Variants in ADH1A observed in about 807,000 individuals in gnomAD.
ADH1A encodes the protein alcohol dehydrogenase 1A.
ADH1A carries 29 observed loss-of-function variants against 35.2 expected under a neutral mutation model. The observed-to-expected ratio is 0.82, with a 90% CI of 0.61 to 1.12. The LOEUF is 1.12. ADH1A is among the 50% of genes most tolerant of loss of function. The pLI is 0.00. For synonymous variants in ADH1A, 147 were observed against 164.8 expected (o/e 0.89, Z 0.83); for missense variants, 469 against 464.7 (o/e 1.01, Z -0.09).
chr4:99,287,245 A>G (rs1182157001), intron 2 of ADH1A, among the ~76,000 whole-genome samples: 5 of 152,226 alleles, frequency 3.3e-5, no homozygotes, highest in African/African-American at 1.2e-4. Flanking sequence ...CTTAAATAAT[A>G]TAAAAGAATG....
At chr4:99,282,283 G>T in intron 6 of ADH1A, 63 bp downstream of exon 6, 8 of 1,613,824 alleles carry the variant, frequency 5.0e-6, no homozygotes, top group Non-Finnish European at 5.1e-6. Context: ...CATATATTCT[G>T]CAGCCTAAAT....
chr4:99,290,745 A>T (rs1733269693), intron 1 of ADH1A, 152 bp downstream of exon 1: 1 of 786,158 alleles, frequency 1.3e-6, no homozygotes, highest in South Asian at 1.7e-5. Flanking sequence ...AGTTCAGTAT[A>T]CATTACATAT....
At chr4:99,288,336 GGTGT>G (rs70955994) in intron 1 of ADH1A, among the ~76,000 whole-genome samples, 45 of 149,748 alleles carry the variant, frequency 3.0e-4, no homozygotes, top group Non-Finnish European at 3.7e-4. Flanking sequence ...GTTAGAGTTG[GGTGT>G]GTGTGTGTGT....
intron 7 of ADH1A, 31 bp downstream of exon 7, chr4:99,280,113 G>C: frequency 6.2e-7 from 1 of 1,613,400 alleles, no homozygotes; most frequent in Non-Finnish European, 8.5e-7. Flanking sequence ...TGAGGTTAAT[G>C]AGAATTTGGC....
intron 5 of ADH1A, among the ~76,000 whole-genome samples, chr4:99,283,020 T>G (rs1334919743): frequency 6.6e-6 from 1 of 152,202 alleles, no homozygotes; most frequent in African/African-American, 2.4e-5. Flanking sequence ...GTAACTCATA[T>G]ATACACAAAG....
chr4:99,276,601 C>CAAGGGAAAACATCTGTAT lies in ADH1A; in HGVS notation c.*5_*22dup, dbSNP rs1211681832. 6 of 1,606,670 alleles carry CAAGGGAAAACATCTGTAT rather than the reference C, an allele frequency of 3.7e-6. No homozygotes were observed. The African/African-American group carries it at 8.0e-5, about 22-fold the overall frequency. On this transcript the variant is annotated 3_prime_UTR_variant, in exon 9 of 9. Coordinates refer to ENST00000209668, the MANE Select transcript of ADH1A (RefSeq NM_000667.4). ...GGGTAGAGGAGGCTGAAGACTGCCA[C>CAAGGGAAAACATCTGTAT]AAGGGAAAACATCTGTATTGTCTCA...
chr4:99,283,474 A>G (rs1170777903), intron 5 of ADH1A, among the ~76,000 whole-genome samples: 2 of 83,284 alleles, frequency 2.4e-5, no homozygotes, highest in African/African-American at 9.3e-5. Context: ...AAGGGTGTCT[A>G]TTCATTCATT....
chr4:99,282,534 C>A lies in ADH1A; in HGVS notation c.640G>T (p.Ala214Ser). The change falls in exon 6 of 9, where the codon GCA becomes TCA. Residue 214 changes from alanine (A) to serine (S), a missense_variant. By Grantham distance (99) the Ala-to-Ser change is moderately conservative. Coordinates refer to ENST00000209668, the MANE Select transcript of ADH1A (RefSeq NM_000667.4). Reference sequence around the variant, plus strand: ...GCAATGATTCTGGCTGCCCCAGCTGCTTTACAGCCCATAATAGCAGATAGG... The same window carrying A: ...GCAATGATTCTGGCTGCCCCAGCTGATTTACAGCCCATAATAGCAGATAGG... ...VGLSAIMGCK[A>S]AGAARIIAVD... 1 of 1,614,208 alleles carries A rather than the reference C, an allele frequency of 6.2e-7. No individual in the cohort carries two copies. The highest frequency in any genetic ancestry group is 8.5e-7 in the Non-Finnish European group (1 of 1,180,036).
At chr4:99,282,681 G>C in intron 5 of ADH1A, 75 bp from the exon 6 acceptor site, 1 of 1,544,922 alleles carries the variant, frequency 6.5e-7, no homozygotes, top group Admixed American at 2.1e-5. Context: ...ATCAAAAGCT[G>C]CTCAAACTCT....
At position 99,279,438 on chromosome 4, in the gene ADH1A, T is replaced by C. The variant is rs762256605; in HGVS notation, c.1091A>G (p.His364Arg). 1.9e-6 allele frequency: 3 copies of C among 1,601,760 alleles called. No homozygotes were observed. The highest frequency in any genetic ancestry group is 2.5e-6 in the Non-Finnish European group (3 of 1,176,696). ...CTAAAAAATCTACCTTTTCCCAGAG[T>C]GAAGCAGGTCAAATCCTTCATTTAT... ...EKINEGFDLL[H>R]SGKSIRTILM... The change falls in exon 8 of 9, where the codon CAC becomes CGC. Residue 364 changes from histidine to arginine, a missense_variant. Coordinates refer to ENST00000209668, the MANE Select transcript of ADH1A (RefSeq NM_000667.4).
At chr4:99,289,064 T>C (rs1199460823) in intron 1 of ADH1A, among the ~76,000 whole-genome samples, 11 of 152,112 alleles carry the variant, frequency 7.2e-5, no homozygotes, top group Admixed American at 3.3e-4. Flanking sequence ...TGAGAACATA[T>C]GATGTTTGGT....
At chr4:99,279,124 CTT>C (rs879754940) in intron 8 of ADH1A, among the ~76,000 whole-genome samples, 9 of 142,856 alleles carry the variant, frequency 6.3e-5, no homozygotes, top group Non-Finnish European at 7.7e-5. Flanking sequence ...TTTAAAAAGA[CTT>C]TTTTTTTTTT....
chr4:99,285,058 C>G (rs2110609019), intron 3 of ADH1A, among the ~76,000 whole-genome samples: 1 of 152,256 alleles, frequency 6.6e-6, no homozygotes, highest in South Asian at 2.1e-4. Context: ...AAAATTGCTT[C>G]CACTGTATTA....
intron 2 of ADH1A, 148 bp from the exon 3 acceptor site, chr4:99,287,136 C>G: frequency 9.7e-7 from 1 of 1,036,244 alleles, no homozygotes. Context: ...TTCAGTTTAT[C>G]CTCAAGGTTG....
chr4:99,284,874 A>C, intron 3 of ADH1A, 71 bp from the exon 4 acceptor site: 28 of 1,323,196 alleles, frequency 2.1e-5, no homozygotes, highest in Non-Finnish European at 2.7e-5. Flanking sequence ...CATAAAGCTC[A>C]CATGTCTTTA....
chr4:99,280,241 T>G lies in ADH1A; in HGVS notation c.867A>C (p.Thr289=). Residue 289 remains threonine (T), a synonymous_variant, in exon 7 of 9, where the codon ACA becomes ACC. Coordinates refer to ENST00000209668, the MANE Select transcript of ADH1A (RefSeq NM_000667.4). ...CAGGAGGTACCCCTACGATGACACT[T>G]GTGCCACATGCCTCATGACAACATA... ...SLLCCHEACG[T]SVIVGVPPDS... is the part of the protein sequence containing the mutation. 6.2e-7 allele frequency: 1 copy of G among 1,613,792 alleles called. No individual in the cohort carries two copies. Among genetic ancestry groups the G allele is most frequent in the Non-Finnish European group, 8.5e-7 (1 of 1,179,846 alleles).
Position 99,287,546 on chromosome 4 carries a change from T to C in ADH1A, c.120+18A>G, listed in dbSNP as rs1195361627. The C allele has an allele frequency of 1.9e-6, 3 of 1,596,152 alleles. No individual in the cohort carries two copies. The highest frequency in any genetic ancestry group is 2.6e-6 in the Non-Finnish European group (3 of 1,173,606). ...TGAGTTTTTAAAACTTAAATACAAA[T>C]GGAAAAATGTATTTCACCTTAATAC... On this transcript the variant is annotated intron_variant, in intron 2 of 8. Transcript: ENST00000209668.
chr4:99,282,643 A>T (rs762223665), intron 5 of ADH1A, 37 bp from the exon 6 acceptor site: 1 of 1,599,482 alleles, frequency 6.3e-7, no homozygotes, highest in Non-Finnish European at 8.5e-7. Flanking sequence ...GATTATAAAA[A>T]CTTTATAAAG....
In ADH1A at chr4:99,276,506, G is replaced by A. The variant is rs906521471; in HGVS notation, c.*118C>T. The A allele has an allele frequency of 8.7e-6, 8 of 921,594 alleles. No homozygotes were observed. Among genetic ancestry groups the A allele is most frequent in the African/African-American group, 8.4e-5 (5 of 59,442 alleles). 57.1% of individuals were successfully genotyped at this position (921,594 alleles called of 1,614,324 possible). ...CCATTTCTTTGGAAAGCCCCCAAAT[G>A]TAATTTATTGATAAAATCTGTGATG... On this transcript the variant is annotated 3_prime_UTR_variant, in exon 9 of 9. Transcript: ENST00000209668.
Sources: allele counts gnomAD v4.1 joint callset (sites outside exome capture counted in the v4.1 genomes callset), GRCh38; gene constraint gnomAD v4.1.1; transcripts MANE v1.5; gene names NCBI Gene and HGNC (gene_info 2026-07-23, HGNC 2026-07-21).